PRPF8: variants seen among roughly 807,000 people sequenced by gnomAD.
PRPF8 encodes the protein pre-mRNA processing factor 8.
Under a neutral mutation model 285.9 loss-of-function variants are expected in PRPF8, and 64 were observed. The ratio of observed to expected loss-of-function variants is 0.22; its 90% CI spans 0.18 to 0.28. The LOEUF (loss-of-function observed/expected upper bound fraction) is 0.28, where lower values mean the gene tolerates loss of function less well. PRPF8 is among the 10% of genes least tolerant of loss of function. PRPF8 has a pLI of 1.00. For missense variants in PRPF8, 1,426 were observed against 3,026.7 expected, an observed-to-expected ratio of 0.47 and a Z score of 12.41; for synonymous variants, 1,325 against 1,118.2, an observed-to-expected ratio of 1.18 and a Z score of -3.69.
rs749760658 is a variant in PRPF8, at chr17:1,660,975, A to G, written c.4508+18T>C. 8.1e-6 allele frequency: 13 copies of G among 1,613,366 alleles called. No individual in the cohort carries two copies. Among genetic ancestry groups the G allele is most frequent in the Non-Finnish European group, 1.1e-5 (13 of 1,180,028 alleles). On this transcript the variant is annotated intron_variant, in intron 28 of 42. Transcript: ENST00000304992. ...CAAAGGGTTGTGACAGGTCCCTCTA[A>G]GAGAGGAGAATCCTCACCAGAAAAG...
chr17:1,668,722 A>C (rs1009815728), intron 24 of PRPF8, among the ~76,000 whole-genome samples: 3 of 151,962 alleles, frequency 2.0e-5, no homozygotes, highest in Non-Finnish European at 4.4e-5. Flanking sequence ...CTGTCTTCTA[A>C]CAGAGCTCTA....
chr17:1,659,463 G>A lies in PRPF8; in HGVS notation c.5032C>T (p.Arg1678Cys). The change falls in exon 32 of 43, where the codon CGC (arginine) becomes TGC (cysteine). Residue 1678 changes from arginine to cysteine, a missense_variant. Physicochemically the swap from Arg to Cys is radical, Grantham distance 180. Coordinates refer to ENST00000304992, the MANE Select transcript of PRPF8 (RefSeq NM_006445.4). The surrounding 1 kb of genome is among the most constrained non-coding windows in gnomAD (Gnocchi z 5.1). ...TCCAGGAACTTGGCCCGGGCGTAGC[G>A]CTCAATGTCGTGGGAATCATAGTCC... is the stretch of plus-strand genomic sequence containing the variant. ...WGDYDSHDIE[R>C]YARAKFLDYT... The A allele has an allele frequency of 6.2e-7, 1 of 1,614,074 alleles. No homozygotes were observed. Among genetic ancestry groups the A allele is most frequent in the Non-Finnish European group, 8.5e-7 (1 of 1,180,018 alleles).
Position 1,672,512 on chromosome 17 carries a change from A to T in PRPF8, c.3774+569T>A, listed in dbSNP as rs997901998. Reference sequence around the variant, plus strand: ...TGGACAGGCTGGTCTCAAACTCCTGACCTCAGGTGATCCACCAGCCTCGGC... The same window carrying T: ...TGGACAGGCTGGTCTCAAACTCCTGTCCTCAGGTGATCCACCAGCCTCGGC... On this transcript the variant is annotated intron_variant, in intron 24 of 42. Transcript: ENST00000304992. Among the ~76,000 whole-genome samples the T allele has an allele frequency of 3.3e-5, 5 of 152,268 alleles. 1 individual carries two copies. Among genetic ancestry groups the T allele is most frequent in the Admixed American group, 3.3e-4 (5 of 15,282 alleles).
rs140714418 is a variant in PRPF8 at position 1,680,870 on chromosome 17, C to T, written c.993-39G>A. 2.8e-4 allele frequency: 453 copies of T among 1,614,112 alleles called. 1 individual carries two copies. In the African/African-American group the frequency reaches 5.4e-3, roughly 19 times the overall value. ...AAGAGTCAGCCAAAGTTTTCCCGCC[C>T]TGGCCCAACCTAAACAGCAGCCTTC... On this transcript the variant is annotated intron_variant, in intron 7 of 42. Transcript: ENST00000304992.
intron 24 of PRPF8, among the ~76,000 whole-genome samples, chr17:1,671,897 T>A (rs1039515356): frequency 6.8e-6 from 1 of 146,396 alleles, no homozygotes; most frequent in Non-Finnish European, 1.5e-5. Flanking sequence ...CCAGGCATGG[T>A]GGCGTATGCA....
intron 24 of PRPF8, chr17:1,672,880 C>T: frequency 1.6e-6 from 1 of 628,982 alleles, no homozygotes; most frequent in Non-Finnish European, 2.9e-6. Flanking sequence ...AAGGAGGCTA[C>T]ACAATTTCTA....
chr17:1,666,701 A>G (rs529444484), intron 24 of PRPF8, among the ~76,000 whole-genome samples: 24 of 152,342 alleles, frequency 1.6e-4, no homozygotes, highest in Admixed American at 3.3e-4. Flanking sequence ...TGTCTTCTGA[A>G]CAATTATTGA....
In PRPF8 at chr17:1,681,460, C is replaced by T; in HGVS notation, c.866+18G>A. ...ATTCAACTCAAAATGTCTAAAATCC[C>T]TAATCTCTCCAACTCACTGTAGGTT... On this transcript the variant is annotated intron_variant, in intron 6 of 42. Transcript: ENST00000304992. 1 of 1,551,222 alleles carries T rather than the reference C, an allele frequency of 6.4e-7. No individual in the cohort carries two copies. Among genetic ancestry groups the T allele is most frequent in the Non-Finnish European group, 8.9e-7 (1 of 1,122,770 alleles).
At chr17:1,668,609 G>C (rs11869451) in intron 24 of PRPF8, among the ~76,000 whole-genome samples, 3 of 151,634 alleles carry the variant, frequency 2.0e-5, no homozygotes, top group Non-Finnish European at 4.4e-5. Context: ...TGATCCACCC[G>C]CCTCGGCCTC....
intron 24 of PRPF8, among the ~76,000 whole-genome samples, chr17:1,665,689 C>A (rs539887554): frequency 7.5e-4 from 113 of 150,664 alleles, no homozygotes; most frequent in African/African-American, 2.4e-3. Flanking sequence ...TAAAAACACA[C>A]AAAAAAATTA....
Position 1,677,624 on chromosome 17 carries a change from C to T in PRPF8, c.1925G>A (p.Arg642His). 1 of 1,613,918 alleles carries T rather than the reference C, an allele frequency of 6.2e-7. No individual in the cohort carries two copies. The highest frequency in any genetic ancestry group is 8.5e-7 in the Non-Finnish European group (1 of 1,180,000). ...TCGCTCTAATAAAGGGGTAATGCCACGCATGAAAAAGAGCCAGACTCGCCA... is the reference window on the plus strand; with the variant it reads ...TCGCTCTAATAAAGGGGTAATGCCATGCATGAAAAAGAGCCAGACTCGCCA... ...AGWRVWLFFM[R>H]GITPLLERWL... is the part of the protein sequence containing the mutation. The change falls in exon 14 of 43, where the codon CGT becomes CAT. Residue 642 changes from arginine to histidine, a missense_variant. Physicochemically the swap from Arg to His is conservative, Grantham distance 29 (BLOSUM62 0). Coordinates refer to ENST00000304992, the MANE Select transcript of PRPF8 (RefSeq NM_006445.4).
rs994814853 is a variant in PRPF8 at position 1,661,569 on chromosome 17, C to A, written c.4202+42G>T. 2 of 1,611,888 alleles carry A rather than the reference C, an allele frequency of 1.2e-6. No homozygotes were observed. Among genetic ancestry groups the A allele is most frequent in the African/African-American group, 1.3e-5 (1 of 74,896 alleles). ...ACTCCACACGGTTCAAAGGCCACCA[C>A]TGCCCCTGCCCCAGGGTTGGCATGC... On this transcript the variant is annotated intron_variant, in intron 26 of 42. Transcript: ENST00000304992. The surrounding 1 kb of genome is among the most constrained non-coding windows in gnomAD (Gnocchi z 7.3).
intron 6 of PRPF8, 42 bp downstream of exon 6, chr17:1,681,436 T>C (rs1225361161): frequency 5.9e-6 from 9 of 1,525,594 alleles, no homozygotes; most frequent in Non-Finnish European, 8.2e-6. Flanking sequence ...TTACGTTTCA[T>C]TCAACTCAAA....
rs1216729614 is a variant in PRPF8 at position 1,675,521 on chromosome 17, A to G, written c.2872+99T>C. ...ACACTACTTCCCTTTACTACCACGC[A>G]TCAAGAGAGTAAACCAATCATGCTA... is the stretch of plus-strand genomic sequence containing the variant. On this transcript the variant is annotated intron_variant, in intron 19 of 42. Transcript: ENST00000304992. The surrounding 1 kb of genome is among the most constrained non-coding windows in gnomAD (Gnocchi z 6.0). The G allele has an allele frequency of 2.6e-6, 4 of 1,524,862 alleles. No individual in the cohort carries two copies. The African/African-American group carries it at 5.5e-5, about 21-fold the overall frequency. 94.5% of individuals were successfully genotyped at this position (1,524,862 alleles called of 1,614,324 possible). A position where few individuals can be genotyped will look rare whatever the true frequency, so the allele number is the denominator to read the frequency against.
intron 24 of PRPF8, among the ~76,000 whole-genome samples, chr17:1,665,729 C>G (rs556084016): frequency 6.6e-5 from 10 of 151,374 alleles, no homozygotes. Context: ...ATCTGTAATC[C>G]TAGCTACTCG....
At chr17:1,681,280 C>T (rs1236701840) in intron 6 of PRPF8, among the ~76,000 whole-genome samples, 198 bp downstream of exon 6, 1 of 152,136 alleles carries the variant, frequency 6.6e-6, no homozygotes. Flanking sequence ...AGGGTTTTGC[C>T]ATTTTGCCCA....
chr17:1,671,850 C>CAAAAAAAA (rs1225346730), intron 24 of PRPF8, among the ~76,000 whole-genome samples: 5 of 49,802 alleles, frequency 1.0e-4, no homozygotes, highest in Non-Finnish European at 1.6e-4. Flanking sequence ...GACTCCATCT[C>CAAAAAAAA]AAAAAAAAAA....
intron 30 of PRPF8, 60 bp from the exon 31 acceptor site, chr17:1,660,061 T>C: frequency 6.4e-7 from 1 of 1,568,088 alleles, no homozygotes; most frequent in Non-Finnish European, 8.8e-7. Context: ...AATCAGAGTT[T>C]GTACAATAAG....
At chr17:1,656,280 C>T (rs1911381727) in intron 36 of PRPF8, 112 bp downstream of exon 36, 2 of 1,340,064 alleles carry the variant, frequency 1.5e-6, no homozygotes, top group Non-Finnish European at 2.1e-6. Context: ...AACAGAGTTC[C>T]CACCCAATCT....
Sources: allele counts gnomAD v4.1 joint callset (sites outside exome capture counted in the v4.1 genomes callset), GRCh38; gene constraint gnomAD v4.1.1; non-coding constraint Gnocchi (gnomAD v3.1); transcripts MANE v1.5; gene names NCBI Gene and HGNC (gene_info 2026-07-23, HGNC 2026-07-21).